Variants in ALS2CL observed in about 807,000 individuals in gnomAD.
ALS2CL encodes the protein ALS2 C-terminal like, also known as ALS2 C-terminal-like protein.
Under a neutral mutation model 127.9 loss-of-function variants are expected in ALS2CL, and 112 were observed. The ratio of observed to expected loss-of-function variants is 0.88; its 90% CI spans 0.75 to 1.02. ALS2CL has a LOEUF of 1.02. Ranked by LOEUF, ALS2CL falls within the 50% of genes least tolerant of loss-of-function variation. The pLI is 0.00. For missense variants in ALS2CL, 1,174 were observed against 1,236.7 expected (o/e 0.95, Z 0.76); for synonymous variants, 519 against 527.6 (o/e 0.98, Z 0.22).
In ALS2CL at chr3:46,678,182, A is replaced by C. The variant is rs925294500; in HGVS notation, c.1757+77T>G. 2.8e-6 allele frequency: 4 copies of C among 1,431,216 alleles called. No homozygotes were observed. The African/African-American group carries it at 5.6e-5, about 20-fold the overall frequency. The allele number at this position is 1,431,216 out of a possible 1,614,324, so 88.7% of individuals were successfully genotyped here. On this transcript the variant is annotated intron_variant, in intron 16 of 25. Coordinates refer to ENST00000318962, the MANE Select transcript of ALS2CL (RefSeq NM_147129.5). The stretch of plus-strand genomic sequence containing the variant: ...AGGTGGGTGCAAAAAGGCCCCTCTG[A>C]GGAGACCTGAGTCTTTGGGATGGAA...
Position 46,682,094 on chromosome 3 carries a change from C to G in ALS2CL, c.1110G>C (p.Lys370Asn). The G allele has an allele frequency of 6.2e-7, 1 of 1,613,884 alleles. No homozygotes were observed. Among genetic ancestry groups the G allele is most frequent in the South Asian group, 1.1e-5 (1 of 90,966 alleles). The change falls in exon 11 of 26, where the codon AAG becomes AAC. Residue 370 changes from lysine (K) to asparagine (N), a missense_variant and splice_region_variant. Lys to Asn is a moderately conservative substitution (Grantham distance 94). Transcript: ENST00000318962. ...GEWCRGRPHG[K>N]GTLKWPDGRN... ...GCCCATCCGGCCATTTCAGGGTTCCCCTGGAACACAGTGGAGGTTCACGAG... is the reference window on the plus strand; with the variant it reads ...GCCCATCCGGCCATTTCAGGGTTCCGCTGGAACACAGTGGAGGTTCACGAG...
chr3:46,688,006 A>T, intron 3 of ALS2CL, 92 bp downstream of exon 3: 13 of 1,462,700 alleles, frequency 8.9e-6, no homozygotes, highest in Non-Finnish European at 1.2e-5. Context: ...TTGAACCCTG[A>T]CCCATGTGAG....
At position 46,685,537 on chromosome 3, in the gene ALS2CL, G is replaced by A. The variant is rs755526441; in HGVS notation, c.774C>T (p.Leu258=). The A allele has an allele frequency of 1.5e-5, 25 of 1,613,724 alleles. No individual in the cohort carries two copies. The highest frequency in any genetic ancestry group is 6.7e-5 in the East Asian group (3 of 44,880). The change falls in exon 7 of 26, where the codon CTC becomes CTT. Residue 258 remains leucine (L), a synonymous_variant. Coordinates refer to ENST00000318962, the MANE Select transcript of ALS2CL (RefSeq NM_147129.5). Reference sequence around the variant, plus strand: ...GCCCCACCCCAACCTGCAGCAGGACGAGGGCATCATCAAAGAGCAGCACAC... The same window carrying A: ...GCCCCACCCCAACCTGCAGCAGGACAAGGGCATCATCAAAGAGCAGCACAC... ...AERVLLFDDA[L]VLLQGHNVHT... is the part of the protein sequence containing the mutation.
At position 46,685,664 on chromosome 3, in the gene ALS2CL, A is replaced by G. The variant is rs1373504387; in HGVS notation, c.667-20T>C. 12 of 1,607,190 alleles carry G rather than the reference A, an allele frequency of 7.5e-6. No homozygotes were observed. Among genetic ancestry groups the G allele is most frequent in the Admixed American group, 3.3e-5 (2 of 59,734 alleles). On this transcript the variant is annotated intron_variant, in intron 6 of 25. Coordinates refer to ENST00000318962, the MANE Select transcript of ALS2CL (RefSeq NM_147129.5). ...CACATCCTGGTGGGGCAAAGAGGAC[A>G]GTACAAGGCTTAGGCACCTCTGTCC...
Position 46,671,003 on chromosome 3 carries a change from T to G in ALS2CL, c.2843A>C (p.His948Pro), listed in dbSNP as rs774761469. 4.3e-6 allele frequency: 7 copies of G among 1,614,136 alleles called. No individual in the cohort carries two copies. In the South Asian group the frequency reaches 7.7e-5, roughly 18 times the overall value. Residue 948 changes from histidine to proline, a missense_variant, in exon 26 of 26, where the codon CAC becomes CCC. By Grantham distance (77) the His-to-Pro change is moderately conservative (BLOSUM62 -2). Coordinates refer to ENST00000318962, the MANE Select transcript of ALS2CL (RefSeq NM_147129.5). ...GCCAGGCTACCAGAGCTCCCTGGAGTGCCAGTGGCCAGGTAAGCGGTGCAG... is the reference window on the plus strand; with the variant it reads ...GCCAGGCTACCAGAGCTCCCTGGAGGGCCAGTGGCCAGGTAAGCGGTGCAG... ...MRLHRLPGHW[H>P]SRELW
chr3:46,688,495 AG>A (rs1306364375), intron 2 of ALS2CL, among the ~76,000 whole-genome samples, 199 bp from the exon 3 acceptor site: 1 of 152,168 alleles, frequency 6.6e-6, no homozygotes, highest in African/African-American at 2.4e-5. Context: ...AGGCTGGAGC[AG>A]TGGGCAGTAT....
chr3:46,680,558 G>T lies in ALS2CL; in HGVS notation c.1437-17C>A. 1 of 1,607,490 alleles carries T rather than the reference G, an allele frequency of 6.2e-7. No homozygotes were observed. ...CGCTCACCTCTGGAAGGAGAGGAAT[G>T]TGGCCAGAGTTGGATCAGACTCATT... is the stretch of plus-strand genomic sequence containing the variant. On this transcript the variant is annotated splice_polypyrimidine_tract_variant and intron_variant, in intron 13 of 25. Transcript: ENST00000318962.
rs755242496 is a variant in ALS2CL at position 46,681,167 on chromosome 3, C to T, written c.1436+79G>A. Reference sequence around the variant, plus strand: ...AGACACAGTGGGGGACAAACAGGAGCCTGTGTCCTGCAACAATCTGGTCTG... The same window carrying T: ...AGACACAGTGGGGGACAAACAGGAGTCTGTGTCCTGCAACAATCTGGTCTG... On this transcript the variant is annotated intron_variant, in intron 13 of 25. Transcript: ENST00000318962. The surrounding 1 kb of genome is among the most constrained non-coding windows in gnomAD (Gnocchi z 4.9). The T allele has an allele frequency of 3.8e-5, 60 of 1,593,118 alleles. No individual in the cohort carries two copies. The Admixed American group carries it at 9.8e-4, about 26-fold the overall frequency.
chr3:46,673,964 CATCAATGGAT>C (rs1424286840), intron 21 of ALS2CL, among the ~76,000 whole-genome samples: 2 of 152,136 alleles, frequency 1.3e-5, no homozygotes, highest in Non-Finnish European at 2.9e-5. Flanking sequence ...TCACTTGTGG[CATCAATGGAT>C]AGATGGGACA....
chr3:46,672,759 C>G (rs773379215), intron 22 of ALS2CL, among the ~76,000 whole-genome samples: 1 of 152,168 alleles, frequency 6.6e-6, no homozygotes, highest in African/African-American at 2.4e-5. Context: ...CTTTAGGAGG[C>G]GAAGGCAAGC....
Position 46,683,296 on chromosome 3 carries a change from C to T in ALS2CL, c.943G>A (p.Val315Ile), listed in dbSNP as rs745745972. Reference sequence around the variant, plus strand: ...TTCTTCCCATGCAGGGCCTGGTGAACAGCCCAGGTCACCTTCCACTGCCAG... The same window carrying T: ...TTCTTCCCATGCAGGGCCTGGTGAATAGCCCAGGTCACCTTCCACTGCCAG... Reference protein sequence around the residue: ...AVWQWKVTWAVHQALHGKKDF... With the variant: ...AVWQWKVTWAIHQALHGKKDF... The change falls in exon 10 of 26, where the codon GTT becomes ATT. Residue 315 changes from valine to isoleucine, a missense_variant. Physicochemically the swap from Val to Ile is conservative, Grantham distance 29. Transcript: ENST00000318962. The T allele has an allele frequency of 8.1e-6, 13 of 1,596,012 alleles. No homozygotes were observed. The East Asian group carries it at 1.6e-4, about 20-fold the overall frequency.
In ALS2CL at chr3:46,676,876, C is replaced by G; in HGVS notation, c.1904G>C (p.Arg635Thr). ...CTCGCAGGACAGGTAATCCTGAGAC[C>G]TACGCAGCTCCCTGGAGCTCTGCAC... ...FDVQSSRELRRSQDYLSCERT... is the reference protein window; with the variant it reads ...FDVQSSRELRTSQDYLSCERT... Residue 635 changes from arginine to threonine, a missense_variant, in exon 17 of 26, where the codon AGG (arginine) becomes ACG (threonine). Physicochemically the swap from Arg to Thr is moderately conservative, Grantham distance 71. Transcript: ENST00000318962. The G allele has an allele frequency of 2.5e-6, 4 of 1,613,746 alleles. No homozygotes were observed. The highest frequency in any genetic ancestry group is 3.4e-6 in the Non-Finnish European group (4 of 1,179,990).
At position 46,691,641 on chromosome 3, in the gene ALS2CL, C is replaced by T. The variant is rs1025684970; in HGVS notation, c.-26+2002G>A. Among the ~76,000 whole-genome samples, 3 of 152,240 alleles carry T rather than the reference C, an allele frequency of 2.0e-5. 1 individual carries two copies. In the East Asian group the frequency reaches 5.8e-4, roughly 29 times the overall value. ...TCCACAGCCTTACTCCTCTCTGTAC[C>T]TCAGCCACCCCTCTACGAAATGGGG... On this transcript the variant is annotated intron_variant, in intron 1 of 25. Coordinates refer to ENST00000318962, the MANE Select transcript of ALS2CL (RefSeq NM_147129.5).
In ALS2CL at chr3:46,687,082, C is replaced by T. The variant is rs776047647; in HGVS notation, c.435G>A (p.Ser145=). The T allele has an allele frequency of 4.4e-6, 7 of 1,591,884 alleles. No homozygotes were observed. The highest frequency in any genetic ancestry group is 1.3e-5 in the African/African-American group (1 of 74,784). ...QLLSGVSSEG[S]VGASLGQALH... ...GGGCCTGGCCCAGCGATGCGCCCAC[C>T]GAGCCCTCTGAGCTCACACCTGAAA... The change falls in exon 5 of 26, where the codon TCG becomes TCA. Residue 145 remains serine (S), a synonymous_variant. Coordinates refer to ENST00000318962, the MANE Select transcript of ALS2CL (RefSeq NM_147129.5).
At chr3:46,678,109 G>A in intron 16 of ALS2CL, 150 bp downstream of exon 16, 1 of 803,742 alleles carries the variant, frequency 1.2e-6, no homozygotes, top group Non-Finnish European at 1.7e-6. Flanking sequence ...AAGAGTCTCT[G>A]ACTGGAGTTG....
chr3:46,683,436 A>T, intron 9 of ALS2CL, 110 bp from the exon 10 acceptor site: 2 of 1,135,474 alleles, frequency 1.8e-6, no homozygotes, highest in South Asian at 1.4e-5. Flanking sequence ...TCCACCTCCT[A>T]CTCCATTTTG....
rs751029106 is a variant in ALS2CL, at chr3:46,678,382, A to T, written c.1634T>A (p.Val545Asp). The T allele has an allele frequency of 5.6e-6, 9 of 1,611,672 alleles. No homozygotes were observed. The highest frequency in any genetic ancestry group is 7.6e-6 in the Non-Finnish European group (9 of 1,178,578). ...CAGGGTGAAGCCATTGGGGAAGGTGACCTTGCCCTGGGAGCCAGGAGAAGG... is the reference window on the plus strand; with the variant it reads ...CAGGGTGAAGCCATTGGGGAAGGTGTCCTTGCCCTGGGAGCCAGGAGAAGG... ...RDLTLMGKGK[V>D]TFPNGFTLEG... Residue 545 changes from valine to aspartate, a missense_variant, in exon 16 of 26, where the codon GTC becomes GAC. By Grantham distance (152) the Val-to-Asp change is radical. Coordinates refer to ENST00000318962, the MANE Select transcript of ALS2CL (RefSeq NM_147129.5).
intron 7 of ALS2CL, 86 bp downstream of exon 7, chr3:46,685,439 G>A (rs1021052069): frequency 8.3e-6 from 13 of 1,562,422 alleles, no homozygotes; most frequent in Admixed American, 1.7e-5. Context: ...CTCAGTCCCA[G>A]CAGCATGCCC....
intron 10 of ALS2CL, 138 bp downstream of exon 10, chr3:46,682,992 G>A (rs1699471646): frequency 1.1e-6 from 1 of 937,756 alleles, no homozygotes; most frequent in South Asian, 2.0e-5. Flanking sequence ...GGACTTAAGA[G>A]GGACTCTGAG....
Sources: allele counts gnomAD v4.1 joint callset (sites outside exome capture counted in the v4.1 genomes callset), GRCh38; gene constraint gnomAD v4.1.1; non-coding constraint Gnocchi (gnomAD v3.1); transcripts MANE v1.5; gene names NCBI Gene and HGNC (gene_info 2026-07-23, HGNC 2026-07-21).